CATSPERB: variants seen among roughly 807,000 people sequenced by gnomAD.
CATSPERB encodes cation channel sperm-associated auxiliary subunit beta.
Under a neutral mutation model 128.3 loss-of-function variants are expected in CATSPERB, and 93 were observed. The ratio of observed to expected loss-of-function variants is 0.72; its 90% confidence interval spans 0.61 to 0.86. The LOEUF (loss-of-function observed/expected upper bound fraction) is 0.86. CATSPERB is among the 40% of genes least tolerant of loss of function. The pLI, the probability that CATSPERB is intolerant of heterozygous loss-of-function variation, is 0.00. For synonymous variants in CATSPERB, 381 were observed against 448.8 expected, an observed-to-expected ratio of 0.85 and a Z score of 1.91; for missense variants, 1,153 against 1,329.5, an observed-to-expected ratio of 0.87 and a Z score of 2.06.
At chr14:91,585,453 A>AT (rs1381431675) in intron 26 of CATSPERB, among the ~76,000 whole-genome samples, 7 of 151,902 alleles carry the variant, frequency 4.6e-5, no homozygotes, top group African/African-American at 1.7e-4. Flanking sequence ...AAGTTCACTG[A>AT]TTTTTTTCCT....
chr14:91,652,874 C>T (rs972791893), intron 15 of CATSPERB, among the ~76,000 whole-genome samples: 2 of 152,056 alleles, frequency 1.3e-5, no homozygotes, highest in Non-Finnish European at 2.9e-5. Context: ...TTCAGACATA[C>T]AAACCACATG....
intron 22 of CATSPERB, among the ~76,000 whole-genome samples, chr14:91,596,848 C>T (rs796383211): frequency 6.6e-6 from 1 of 152,052 alleles, no homozygotes; most frequent in East Asian, 1.9e-4. Context: ...ACTTAAGGAA[C>T]CTAATGTCTT....
chr14:91,712,951 T>C (rs1012776518), intron 5 of CATSPERB, among the ~76,000 whole-genome samples: 2 of 152,214 alleles, frequency 1.3e-5, no homozygotes, highest in Non-Finnish European at 2.9e-5. Context: ...TGGCCAGGAA[T>C]TGACTTTTCT....
At chr14:91,699,529 A>G (rs757651635) in intron 7 of CATSPERB, among the ~76,000 whole-genome samples, 2 of 152,072 alleles carry the variant, frequency 1.3e-5, no homozygotes, top group Non-Finnish European at 2.9e-5. Flanking sequence ...ATGTTGAACC[A>G]ATTTTGCATC....
At chr14:91,645,882 C>T (rs1261025781) in intron 15 of CATSPERB, among the ~76,000 whole-genome samples, 12 of 149,316 alleles carry the variant, frequency 8.0e-5, no homozygotes, top group Non-Finnish European at 8.9e-5. Flanking sequence ...TAGGACCCTC[C>T]GAGCCAGGTG....
At chr14:91,587,079 G>A (rs764372266) in intron 26 of CATSPERB, 123 bp downstream of exon 26, 8 of 691,182 alleles carry the variant, frequency 1.2e-5, no homozygotes, top group Non-Finnish European at 1.9e-5. Context: ...AGGATCCCCT[G>A]TCTTTAAGCC....
At chr14:91,627,322 A>G (rs1894183494) in intron 17 of CATSPERB, among the ~76,000 whole-genome samples, 1 of 152,250 alleles carries the variant, frequency 6.6e-6, no homozygotes, top group Admixed American at 6.5e-5. Context: ...TATCCAAAAT[A>G]AACTGTAGGG....
chr14:91,666,071 C>T lies in CATSPERB; in HGVS notation c.1287+3743G>A, dbSNP rs140327354. Among the ~76,000 whole-genome samples the T allele has an allele frequency of 8.7e-4, 133 of 152,262 alleles. 4 individuals carry two copies. In the East Asian group the frequency reaches 0.023, roughly 26 times the overall value. On this transcript the variant is annotated intron_variant, in intron 14 of 26. Transcript: ENST00000256343. Reference sequence around the variant, plus strand: ...TTTATAAGAGGCTGTTGCCCCTTCACTCTGCCACTCTTCTCTCAGCAGTCT... The same window carrying T: ...TTTATAAGAGGCTGTTGCCCCTTCATTCTGCCACTCTTCTCTCAGCAGTCT...
chr14:91,606,253 A>G (rs1743165), intron 22 of CATSPERB, among the ~76,000 whole-genome samples: 120,341 of 152,152 alleles, frequency 0.79, 47,853 homozygotes, highest in East Asian at 0.9. Context: ...TATGAGATTC[A>G]GAAAGATGCA....
At chr14:91,639,315 A>T (rs1894445751) in intron 15 of CATSPERB, 65 bp from the exon 16 acceptor site, 2 of 1,365,130 alleles carry the variant, frequency 1.5e-6, no homozygotes, top group Non-Finnish European at 2.0e-6. Flanking sequence ...CTTTAATATC[A>T]TACCTTGTAA....
Position 91,669,762 on chromosome 14 carries a change from A to G in CATSPERB, c.1287+52T>C, listed in dbSNP as rs968892068. 138 of 1,533,218 alleles carry G rather than the reference A, an allele frequency of 9.0e-5. 1 individual carries two copies. The Admixed American group carries it at 2.8e-3, about 31-fold the overall frequency. The allele number at this position is 1,533,218 out of a possible 1,614,324, so 95.0% of individuals were successfully genotyped here. On this transcript the variant is annotated intron_variant, in intron 14 of 26. Coordinates refer to ENST00000256343, the MANE Select transcript of CATSPERB (RefSeq NM_024764.4). ...CTTAATGTACAGCCATGCAGCATAC[A>G]GTAGGTGGATGATTTAACTCTAACA...
In CATSPERB at chr14:91,626,206, T is replaced by C. The variant is rs1438773740; in HGVS notation, c.1743-1199A>G. On this transcript the variant is annotated intron_variant, in intron 17 of 26. Coordinates refer to ENST00000256343, the MANE Select transcript of CATSPERB (RefSeq NM_024764.4). ...CTATAAAACTCCTAAGAAGATAACA[T>C]AGGAGAAAATCTAGATGACCTTGGG... is the stretch of plus-strand genomic sequence containing the variant. Among the ~76,000 whole-genome samples the C allele has an allele frequency of 2.6e-5, 4 of 152,044 alleles. No individual in the cohort carries two copies. In the East Asian group the frequency reaches 7.7e-4, roughly 29 times the overall value.
At chr14:91,696,001 G>C (rs1409711746) in intron 7 of CATSPERB, among the ~76,000 whole-genome samples, 1 of 152,192 alleles carries the variant, frequency 6.6e-6, no homozygotes, top group African/African-American at 2.4e-5. Flanking sequence ...CAGATTTTTT[G>C]AGGGAGATGG....
intron 22 of CATSPERB, chr14:91,603,259 C>A (rs562063779): frequency 1.8e-6 from 2 of 1,096,300 alleles, no homozygotes; most frequent in Non-Finnish European, 2.8e-6. Flanking sequence ...TGTTTCAAAG[C>A]CAGCATATAT....
chr14:91,686,392 T>G (rs1442537294), intron 10 of CATSPERB, among the ~76,000 whole-genome samples: 3 of 152,220 alleles, frequency 2.0e-5, no homozygotes, highest in Non-Finnish European at 2.9e-5. Context: ...GAATAAATCA[T>G]TAAGTATTCA....
chr14:91,622,785 C>T (rs1467777864), intron 18 of CATSPERB, among the ~76,000 whole-genome samples: 1 of 152,100 alleles, frequency 6.6e-6, no homozygotes, highest in Non-Finnish European at 1.5e-5. Context: ...GAAAGAGTTA[C>T]CTTTATTCAC....
intron 17 of CATSPERB, 151 bp from the exon 18 acceptor site, chr14:91,625,158 A>T: frequency 1.8e-6 from 1 of 552,616 alleles, no homozygotes; most frequent in Non-Finnish European, 3.1e-6. Flanking sequence ...AATCAATGAA[A>T]TGGCAATTAT....
intron 15 of CATSPERB, among the ~76,000 whole-genome samples, chr14:91,658,606 G>A (rs928176399): frequency 4.7e-5 from 7 of 148,376 alleles, no homozygotes; most frequent in African/African-American, 7.5e-5. Flanking sequence ...CATTTACCCC[G>A]ATATGATTAT....
intron 22 of CATSPERB, among the ~76,000 whole-genome samples, chr14:91,606,886 C>A (rs199777150): frequency 1.4e-5 from 2 of 143,192 alleles, no homozygotes; most frequent in South Asian, 4.5e-4. Context: ...TGGTGAAAAA[C>A]CTGGGAAATC....
Sources: gnomAD v4.1 joint callset for allele counts (sites outside exome capture counted in the v4.1 genomes callset) on GRCh38, gnomAD v4.1.1 for gene constraint, MANE v1.5 for transcripts, NCBI Gene and HGNC (gene_info 2026-07-23, HGNC 2026-07-21) for gene names.